The following TGFBR3 variants were observed in gnomAD, a reference collection of about 807,000 sequenced individuals.
TGFBR3 encodes the protein transforming growth factor beta receptor 3.
Under a neutral mutation model 87.9 loss-of-function variants are expected in TGFBR3, and 46 were observed. That is an observed-to-expected ratio of 0.52 (90% confidence interval 0.41 to 0.67). TGFBR3 has a LOEUF of 0.67. Among genes scored for constraint, TGFBR3 ranks in the 30% least tolerant of loss-of-function variants. The pLI, the probability that TGFBR3 is intolerant of heterozygous loss-of-function variation, is 0.00. For missense variants in TGFBR3, 866 were observed against 1,041.9 expected, an observed-to-expected ratio of 0.83 and a Z score of 2.32; for synonymous variants, 381 against 391.6, an observed-to-expected ratio of 0.97 and a Z score of 0.32.
At chr1:91,847,155 T>G (rs1344452048) in intron 2 of TGFBR3, among the ~76,000 whole-genome samples, 1 of 152,194 alleles carries the variant, frequency 6.6e-6, no homozygotes, top group Non-Finnish European at 1.5e-5. Context: ...AAACACAACT[T>G]TTCAGGCACA....
At chr1:91,810,247 C>T (rs1345613129) in intron 2 of TGFBR3, among the ~76,000 whole-genome samples, 7 of 152,036 alleles carry the variant, frequency 4.6e-5, no homozygotes, top group Admixed American at 3.9e-4. Context: ...TTTGTAGAGA[C>T]GGGGTTTTGT....
Position 91,760,028 on chromosome 1 carries a change from C to G in TGFBR3, c.247-1278G>C, listed in dbSNP as rs572853627. 3.9e-5 allele frequency among the ~76,000 whole-genome samples: 6 copies of G among 152,324 alleles called. No homozygotes were observed. The East Asian group carries it at 7.7e-4, about 20-fold the overall frequency. On this transcript the variant is annotated intron_variant, in intron 3 of 16. Transcript: ENST00000212355. ...GCTCTCAGGTCATTGATAAATAAAA[C>G]AGTAAACTTTCATTATCTTTCAAAA...
At chr1:91,708,617 A>G in intron 14 of TGFBR3, 46 bp downstream of exon 14, 1 of 1,613,418 alleles carries the variant, frequency 6.2e-7, no homozygotes, top group South Asian at 1.1e-5. Flanking sequence ...CTTCTTAACA[A>G]GCAGAGCTCA....
intron 4 of TGFBR3, among the ~76,000 whole-genome samples, chr1:91,741,875 A>G (rs940104662): frequency 3.3e-5 from 5 of 151,974 alleles, no homozygotes; most frequent in Non-Finnish European, 4.4e-5. Context: ...CCTCCTCCAC[A>G]CTGTCACCTG....
At position 91,735,089 on chromosome 1, in the gene TGFBR3, C is replaced by T. The variant is rs56271707; in HGVS notation, c.385-130G>A. 132 of 1,081,206 alleles carry T rather than the reference C, an allele frequency of 1.2e-4. 1 individual carries two copies. The highest frequency in any genetic ancestry group is 1.6e-4 in the South Asian group (12 of 74,424). The allele number at this position is 1,081,206 out of a possible 1,614,324, so 67.0% of individuals were successfully genotyped here. On this transcript the variant is annotated intron_variant, in intron 4 of 16. Coordinates refer to ENST00000212355, the MANE Select transcript of TGFBR3 (RefSeq NM_003243.5). ...TCCCTTTGTTATACAAGCAGATCAG[C>T]GTTTTTAAGCAGCGGATTCAAGGAA... is the stretch of plus-strand genomic sequence containing the variant.
intron 2 of TGFBR3, among the ~76,000 whole-genome samples, chr1:91,847,603 C>CA (rs57534144): frequency 0.034 from 3,034 of 88,116 alleles, 89 homozygotes; most frequent in African/African-American, 0.09. Flanking sequence ...AACTCCATCT[C>CA]AAAAAAAAAA....
Position 91,866,781 on chromosome 1 carries a change from G to C in TGFBR3, c.-113-5137C>G, listed in dbSNP as rs932229965. 4 of 152,214 alleles carry C rather than the reference G, an allele frequency of 2.6e-5. 1 individual carries two copies. Among genetic ancestry groups the C allele is most frequent in the South Asian group, 4.1e-4 (2 of 4,832 alleles). The allele number at this position is 152,214 out of a possible 1,614,324, so 9.4% of individuals were successfully genotyped here. The stretch of plus-strand genomic sequence containing the variant: ...CTGAGGATAAGCGAAGATTTTAAAA[G>C]TCAGGTGATGAATGACACTGCAGGC... On this transcript the variant is annotated intron_variant, in intron 1 of 16. Coordinates refer to ENST00000212355, the MANE Select transcript of TGFBR3 (RefSeq NM_003243.5).
At chr1:91,897,807 C>T (rs1679582723) in intron 2 of TGFBR3, among the ~76,000 whole-genome samples, 1 of 152,002 alleles carries the variant, frequency 6.6e-6, no homozygotes, top group Non-Finnish European at 1.5e-5. Flanking sequence ...CAGAAAAATG[C>T]AAAGAATATA....
intron 2 of TGFBR3, among the ~76,000 whole-genome samples, chr1:91,826,284 C>T (rs1557730958): frequency 6.6e-6 from 1 of 152,296 alleles, no homozygotes; most frequent in East Asian, 1.9e-4. Flanking sequence ...CCATGATCGC[C>T]TCTTCATTAC....
intron 4 of TGFBR3, 135 bp from the exon 5 acceptor site, chr1:91,735,094 T>C (rs1672917187): frequency 7.6e-6 from 8 of 1,046,032 alleles, no homozygotes; most frequent in Non-Finnish European, 1.1e-5. Flanking sequence ...ATCAGCGTTT[T>C]TAAGCAGCGG....
intron 7 of TGFBR3, 46 bp downstream of exon 7, chr1:91,727,613 T>C (rs1469019578): frequency 6.2e-7 from 1 of 1,609,544 alleles, no homozygotes; most frequent in South Asian, 1.1e-5. Context: ...GCTTAAATTG[T>C]TGTCATTTAT....
intron 3 of TGFBR3, among the ~76,000 whole-genome samples, chr1:91,793,872 T>C (rs1382842938): frequency 2.0e-5 from 3 of 151,656 alleles, no homozygotes; most frequent in Middle Eastern, 3.4e-3. Flanking sequence ...CCTCCTACTA[T>C]TACCCTCAAA....
intron 2 of TGFBR3, among the ~76,000 whole-genome samples, chr1:91,852,309 G>A (rs1677767514): frequency 6.6e-6 from 1 of 151,992 alleles, no homozygotes; most frequent in Non-Finnish European, 1.5e-5. Context: ...CACACACACA[G>A]GTCCATACAG....
At chr1:91,743,009 C>G (rs1673208611) in intron 4 of TGFBR3, among the ~76,000 whole-genome samples, 1 of 152,156 alleles carries the variant, frequency 6.6e-6, no homozygotes, top group African/African-American at 2.4e-5. Flanking sequence ...AAGAGGCAAC[C>G]AGCCCTTTGT....
intron 16 of TGFBR3, among the ~76,000 whole-genome samples, chr1:91,694,240 G>A (rs1009365656): frequency 1.3e-5 from 2 of 152,068 alleles, no homozygotes; most frequent in Non-Finnish European, 2.9e-5. Flanking sequence ...TGATCCTCCC[G>A]CCCCTGCCTC....
At chr1:91,895,987 C>G (rs1156233805) in intron 2 of TGFBR3, among the ~76,000 whole-genome samples, 1 of 152,174 alleles carries the variant, frequency 6.6e-6, no homozygotes, top group Non-Finnish European at 1.5e-5. Flanking sequence ...TGCTACAACC[C>G]TGGTCAAAAT....
chr1:91,774,124 C>T (rs1399463459), intron 3 of TGFBR3, among the ~76,000 whole-genome samples: 1 of 151,244 alleles, frequency 6.6e-6, no homozygotes, highest in African/African-American at 2.4e-5. Flanking sequence ...CTTGGTCTTG[C>T]TAATTTCTTT....
rs1346605961 is a variant in TGFBR3, at chr1:91,683,155, G to A, written c.*584C>T. 2.2e-6 allele frequency: 1 copy of A among 454,376 alleles called. No individual in the cohort carries two copies. The highest frequency in any genetic ancestry group is 4.4e-6 in the Non-Finnish European group (1 of 226,796). 28.1% of individuals were successfully genotyped at this position (454,376 alleles called of 1,614,324 possible). A position where few individuals can be genotyped will look rare whatever the true frequency, so the allele number is the denominator to read the frequency against. ...CACTTGTCAGGGTGCAGTCCCTGAG[G>A]GCAGCACCCATCAAGGGACACATCA... On this transcript the variant is annotated 3_prime_UTR_variant, in exon 17 of 17. Transcript: ENST00000212355.
At chr1:91,809,936 A>G (rs999344234) in intron 2 of TGFBR3, among the ~76,000 whole-genome samples, 1 of 152,162 alleles carries the variant, frequency 6.6e-6, no homozygotes, top group Admixed American at 6.5e-5. Flanking sequence ...GTTTTTCCAG[A>G]GCTTGTGGCA....
Sources: gnomAD v4.1 joint callset for allele counts (sites outside exome capture counted in the v4.1 genomes callset) on GRCh38, gnomAD v4.1.1 for gene constraint, MANE v1.5 for transcripts, NCBI Gene and HGNC (gene_info 2026-07-23, HGNC 2026-07-21) for gene names.